Variants in KCTD15 observed in about 807,000 individuals in gnomAD.
The protein encoded by KCTD15 is BTB/POZ domain-containing protein KCTD15.
KCTD15 carries 11 observed loss-of-function variants against 27.2 expected under a neutral mutation model. The observed-to-expected ratio is 0.41, with a 90% CI of 0.25 to 0.67. The LOEUF is 0.67. KCTD15 is among the 30% of genes least tolerant of loss of function. The pLI, the probability that KCTD15 is intolerant of heterozygous loss-of-function variation, is 0.35. For missense variants in KCTD15, 350 were observed against 409.3 expected (o/e 0.86, Z 1.25); for synonymous variants, 163 against 176.0 (o/e 0.93, Z 0.58).
intron 5 of KCTD15, among the ~76,000 whole-genome samples, chr19:33,808,649 G>A (rs1027316128): frequency 2.0e-5 from 3 of 151,792 alleles, no homozygotes; most frequent in Admixed American, 2.0e-4. Context: ...GTGTGTGCAG[G>A]GGAAGGGCAG....
chr19:33,812,572 C>T, intron 6 of KCTD15: 1 of 1,268,092 alleles, frequency 7.9e-7, no homozygotes. Context: ...ACTAGGTTTG[C>T]TAACCTGAGG....
intron 6 of KCTD15, chr19:33,811,985 A>G (rs1233456974): frequency 2.7e-6 from 4 of 1,483,862 alleles, no homozygotes; most frequent in African/African-American, 2.9e-5. Flanking sequence ...TGCCAAGAGA[A>G]TCCCTGGACC....
At chr19:33,797,637 C>T (rs1476383666) in intron 1 of KCTD15, among the ~76,000 whole-genome samples, 2 of 152,044 alleles carry the variant, frequency 1.3e-5, no homozygotes, top group African/African-American at 2.4e-5. Flanking sequence ...CCTGGACGCG[C>T]GCACCCGGCA....
chr19:33,799,701 T>A (rs766955706), intron 2 of KCTD15: 1 of 152,482 alleles, frequency 6.6e-6, no homozygotes, highest in Non-Finnish European at 1.5e-5. Flanking sequence ...CACCTGGCCA[T>A]CTCCTGATGC....
In KCTD15 at chr19:33,807,023, G is replaced by C; in HGVS notation, c.387+16G>C. 6.2e-7 allele frequency: 1 copy of C among 1,612,676 alleles called. No homozygotes were observed. The highest frequency in any genetic ancestry group is 8.5e-7 in the Non-Finnish European group (1 of 1,179,350). ...TGACTTTAAGGTAAGTCCATGGCTG[G>C]TGGCCCCCCTGCACTGCCTGTGTGA... On this transcript the variant is annotated intron_variant, in intron 5 of 6. Transcript: ENST00000683859.
At chr19:33,811,700 A>G in intron 6 of KCTD15, 148 bp downstream of exon 6, 9 of 1,534,624 alleles carry the variant, frequency 5.9e-6, no homozygotes, top group Non-Finnish European at 8.0e-6. Context: ...GTGTCGATGC[A>G]TAATTTATGT....
In KCTD15 at chr19:33,813,168, C is replaced by T. The variant is rs776287540; in HGVS notation, c.*220C>T. 22 of 625,894 alleles carry T rather than the reference C, an allele frequency of 3.5e-5. No homozygotes were observed. Among genetic ancestry groups the T allele is most frequent in the South Asian group, 1.7e-4 (9 of 53,792 alleles). 38.8% of individuals were successfully genotyped at this position (625,894 alleles called of 1,614,324 possible). ...CTGTTGATGCGACCCAAAGATACAG[C>T]GGTGGGATCTCTGCTGCCAGCTCTC... is the stretch of plus-strand genomic sequence containing the variant. On this transcript the variant is annotated 3_prime_UTR_variant, in exon 7 of 7. Coordinates refer to ENST00000683859, the MANE Select transcript of KCTD15 (RefSeq NM_001129994.2).
Position 33,815,734 on chromosome 19 carries a change from GA to G in KCTD15, c.*2788del. The G allele has an allele frequency of 6.7e-6, 1 of 148,790 alleles. No individual in the cohort carries two copies. The highest frequency in any genetic ancestry group is 2.1e-4 in the South Asian group (1 of 4,738). The allele number at this position is 148,790 out of a possible 1,614,324, so 9.2% of individuals were successfully genotyped here. The stretch of plus-strand genomic sequence containing the variant: ...AAAGCTACTGCTTGACTGTTCCTTA[GA>G]ATAAATAAAGGATATTTTATAAATT... On this transcript the variant is annotated 3_prime_UTR_variant, in exon 7 of 7. Coordinates refer to ENST00000683859, the MANE Select transcript of KCTD15 (RefSeq NM_001129994.2).
rs1166814522 is a variant in KCTD15 at position 33,813,260 on chromosome 19, T to C, written c.*312T>C. On this transcript the variant is annotated 3_prime_UTR_variant, in exon 7 of 7. Transcript: ENST00000683859. ...GCCCCGGGGCCTGTTGGGGCGGGGT[T>C]GGAAGAGCCGTCTGCAGCTACTTCA... The C allele has an allele frequency of 1.6e-6, 1 of 607,902 alleles. No homozygotes were observed. Among genetic ancestry groups the C allele is most frequent in the Non-Finnish European group, 3.1e-6 (1 of 325,062 alleles). 37.7% of individuals were successfully genotyped at this position (607,902 alleles called of 1,614,324 possible).
rs1011353252 is a variant in KCTD15, at chr19:33,813,657, C to T, written c.*709C>T. 49 of 307,328 alleles carry T rather than the reference C, an allele frequency of 1.6e-4. No individual in the cohort carries two copies. Among genetic ancestry groups the T allele is most frequent in the African/African-American group, 6.1e-4 (27 of 44,444 alleles). The allele number at this position is 307,328 out of a possible 1,614,324, so 19.0% of individuals were successfully genotyped here. ...CGTTGGGGGCTCAGGCTGCACTCCC[C>T]GGGTCACCTGACCTGCTGCCCAGGG... is the stretch of plus-strand genomic sequence containing the variant. On this transcript the variant is annotated 3_prime_UTR_variant, in exon 7 of 7. Coordinates refer to ENST00000683859, the MANE Select transcript of KCTD15 (RefSeq NM_001129994.2).
Position 33,814,852 on chromosome 19 carries a change from CAG to C in KCTD15, c.*1905_*1906del, listed in dbSNP as rs763738349. The C allele has an allele frequency of 2.6e-5, 4 of 152,318 alleles. No homozygotes were observed. The highest frequency in any genetic ancestry group is 7.2e-5 in the African/African-American group (3 of 41,470). 9.4% of individuals were successfully genotyped at this position (152,318 alleles called of 1,614,324 possible). ...AAGGGCCACCAGCTTCGACCTGCCT[CAG>C]GGGACAGCAGCACAGACCAGTGGCT... On this transcript the variant is annotated 3_prime_UTR_variant, in exon 7 of 7. Transcript: ENST00000683859.
intron 4 of KCTD15, among the ~76,000 whole-genome samples, chr19:33,803,511 G>A (rs1221892045): frequency 2.6e-5 from 4 of 151,962 alleles, no homozygotes; most frequent in African/African-American, 7.3e-5. Flanking sequence ...CTCTACCCTC[G>A]GCTCCCCTGA....
chr19:33,811,578 C>A, intron 6 of KCTD15, 26 bp downstream of exon 6: 1 of 1,574,246 alleles, frequency 6.4e-7, no homozygotes. Context: ...TGCCCCCTCC[C>A]CGCCGCACCC....
In KCTD15 at chr19:33,811,398, G is replaced by T; in HGVS notation, c.539G>T (p.Arg180Leu). 6.2e-7 allele frequency: 1 copy of T among 1,607,338 alleles called. No individual in the cohort carries two copies. The highest frequency in any genetic ancestry group is 8.5e-7 in the Non-Finnish European group (1 of 1,177,430). Residue 180 changes from arginine (R) to leucine (L), a missense_variant, in exon 6 of 7, where the codon CGG becomes CTG. Physicochemically the swap from Arg to Leu is moderately radical, Grantham distance 102. Around this residue, in one of 3 missense-constraint regions of KCTD15, gnomAD observed 219 missense variants for 234.9 expected, o/e 0.93. Transcript: ENST00000683859. ...CGCGTCACGCCCGACTTGGGCGAGC[G>T]GATCGCACTCAGCGGCGAGAAGGCC... ...VVRVTPDLGE[R>L]IALSGEKALI...
intron 5 of KCTD15, 56 bp from the exon 6 acceptor site, chr19:33,811,191 T>TCCCCCCCCCCCCCCAAACCCCCC: frequency 1.6e-6 from 1 of 615,002 alleles, no homozygotes. Flanking sequence ...CTCTCCCCCT[T>TCCCCCCCCCCCCCCAAACCCCCC]CCCCCACCAC....
chr19:33,810,915 A>C (rs1324044965), intron 5 of KCTD15, among the ~76,000 whole-genome samples: 1 of 151,890 alleles, frequency 6.6e-6, no homozygotes. Context: ...GTCCCCAGGC[A>C]TAGGCACAGC....
chr19:33,797,533 CGGGCGCGCA>C, intron 1 of KCTD15: 1 of 370,036 alleles, frequency 2.7e-6, no homozygotes. Context: ...GTGGTGGTCC[CGGGCGCGCA>C]GGGTTTGGGG....
At chr19:33,796,485 G>GC (rs2145417261), upstream of KCTD15, 1 of 150,504 alleles carries the variant, frequency 6.6e-6, no homozygotes, top group Admixed American at 6.6e-5. Context: ...GCGCAGCCGA[G>GC]CCCCGAGCCA....
intron 4 of KCTD15, among the ~76,000 whole-genome samples, chr19:33,806,508 C>T (rs1249606291): frequency 6.6e-6 from 1 of 152,066 alleles, no homozygotes; most frequent in Non-Finnish European, 1.5e-5. Flanking sequence ...GGTGTGTGCA[C>T]CAGGCCTGTG....
Sources: gnomAD v4.1 joint callset for allele counts (sites outside exome capture counted in the v4.1 genomes callset) on GRCh38, gnomAD v4.1.1 for gene constraint, gnomAD v4.1.1 regional missense constraint, MANE v1.5 for transcripts, NCBI Gene and HGNC (gene_info 2026-07-23, HGNC 2026-07-21) for gene names.